Variants in ATP9B observed in about 807,000 individuals in gnomAD.
ATP9B encodes probable phospholipid-transporting ATPase IIB.
Under a neutral mutation model 146.1 loss-of-function variants are expected in ATP9B, and 110 were observed. That is an observed-to-expected ratio of 0.75 (90% CI 0.65 to 0.88). The LOEUF (loss-of-function observed/expected upper bound fraction) is 0.88, where lower values mean the gene tolerates loss of function less well. Among genes scored for constraint, ATP9B ranks in the 40% least tolerant of loss-of-function variants. The probability of loss-of-function intolerance (pLI) is 0.00; values close to 1 mark genes in which losing one functional copy is unlikely to be tolerated. For missense variants in ATP9B, 1,499 were observed against 1,496.4 expected (o/e 1.00, Z -0.03); for synonymous variants, 604 against 569.7 (o/e 1.06, Z -0.86).
chr18:79,330,053 T>G lies in ATP9B; in HGVS notation c.1977T>G (p.Ala659=). 1 of 1,614,206 alleles carries G rather than the reference T, an allele frequency of 6.2e-7. No individual in the cohort carries two copies. Among genetic ancestry groups the G allele is most frequent in the Non-Finnish European group, 8.5e-7 (1 of 1,180,018 alleles). ...TAEITFYMKG[A]DVAMSPIVQY... ...AAATCACATTCTACATGAAGGGCGCTGACGTGGCCATGTCTCCTATCGTGC... is the reference window on the plus strand; with the variant it reads ...AAATCACATTCTACATGAAGGGCGCGGACGTGGCCATGTCTCCTATCGTGC... Residue 659 remains alanine, a synonymous_variant, in exon 17 of 30, where the codon GCT becomes GCG. Transcript: ENST00000426216.
At chr18:79,282,865 C>A (rs995176695) in intron 13 of ATP9B, among the ~76,000 whole-genome samples, 1 of 152,122 alleles carries the variant, frequency 6.6e-6, no homozygotes, top group African/African-American at 2.4e-5. Flanking sequence ...TTAGGCAAAT[C>A]CTTTAACCCT....
chr18:79,293,613 T>C (rs934410468), intron 13 of ATP9B, among the ~76,000 whole-genome samples: 1 of 152,176 alleles, frequency 6.6e-6, no homozygotes, highest in African/African-American at 2.4e-5. Context: ...CCTCGGACTT[T>C]CCAGCCTCCA....
chr18:79,132,398 C>T (rs188038685), intron 5 of ATP9B, among the ~76,000 whole-genome samples: 8 of 152,240 alleles, frequency 5.3e-5, no homozygotes, highest in East Asian at 3.9e-4. Context: ...ATCGTCCAAG[C>T]GGGAGTTGAT....
intron 9 of ATP9B, among the ~76,000 whole-genome samples, chr18:79,201,457 A>G (rs781404513): frequency 9.8e-5 from 15 of 152,320 alleles, no homozygotes; most frequent in Admixed American, 2.6e-4. Flanking sequence ...TAAGAATTAG[A>G]ACAAATTGGC....
At chr18:79,120,272 TCTAGCCAAAATCCTGCCTC>T (rs2147116930) in intron 4 of ATP9B, among the ~76,000 whole-genome samples, 1 of 152,330 alleles carries the variant, frequency 6.6e-6, no homozygotes, top group East Asian at 1.9e-4. Flanking sequence ...CCAGATTTCT[TCTAGCCAAAATCCTGCCTC>T]TGAGGCATAA....
Position 79,345,728 on chromosome 18 carries a change from T to G in ATP9B, c.2618-47T>G, listed in dbSNP as rs180821886. ...CTTCTGATGGTAAAAATGAAAAACG[T>G]GATGATGGATAAGGTTTTATTTCAT... is the stretch of plus-strand genomic sequence containing the variant. On this transcript the variant is annotated intron_variant, in intron 22 of 29. Coordinates refer to ENST00000426216, the MANE Select transcript of ATP9B (RefSeq NM_198531.5). 2.2e-5 allele frequency: 35 copies of G among 1,610,900 alleles called. 1 individual carries two copies. In the African/African-American group the frequency reaches 2.5e-4, roughly 12 times the overall value.
intron 12 of ATP9B, among the ~76,000 whole-genome samples, chr18:79,272,118 G>A (rs1041397956): frequency 1.3e-5 from 2 of 152,160 alleles, no homozygotes; most frequent in African/African-American, 4.8e-5. Flanking sequence ...TGAGTTCATT[G>A]TAGATTCTGG....
At chr18:79,371,969 G>A (rs1304606154) in intron 26 of ATP9B, among the ~76,000 whole-genome samples, 5 of 152,226 alleles carry the variant, frequency 3.3e-5, no homozygotes, top group African/African-American at 7.2e-5. Context: ...AAATGGAAAC[G>A]ACGTCTGCTC....
chr18:79,205,711 A>G (rs554511284), intron 9 of ATP9B, among the ~76,000 whole-genome samples: 1 of 152,286 alleles, frequency 6.6e-6, no homozygotes, highest in East Asian at 1.9e-4. Context: ...GGCTTCCATT[A>G]CCGAAATGTA....
At chr18:79,315,015 C>T (rs933826462) in intron 15 of ATP9B, among the ~76,000 whole-genome samples, 23 of 152,364 alleles carry the variant, frequency 1.5e-4, no homozygotes, top group Admixed American at 3.3e-4. Flanking sequence ...GCTTATTCCT[C>T]TAGACTAGCT....
At chr18:79,155,833 G>A (rs1390943231) in intron 7 of ATP9B, among the ~76,000 whole-genome samples, 4 of 126,938 alleles carry the variant, frequency 3.2e-5, no homozygotes, top group Non-Finnish European at 6.2e-5. Context: ...TGCGATCTCC[G>A]CTCACTGCAA....
rs2074728869 is a variant in ATP9B, at chr18:79,095,733, T to TA, written c.120-742dup. The stretch of plus-strand genomic sequence containing the variant: ...AAGACAGCACTTGTTGAATCACCAT[T>TA]ATAGTTTCTGACAAATTGTTCTCAA... On this transcript the variant is annotated intron_variant, in intron 1 of 29. Transcript: ENST00000426216. 3 of 152,304 alleles carry TA rather than the reference T, an allele frequency of 2.0e-5. No homozygotes were observed. The South Asian group carries it at 6.2e-4, about 32-fold the overall frequency. The allele number at this position is 152,304 out of a possible 1,614,324, so 9.4% of individuals were successfully genotyped here.
intron 7 of ATP9B, among the ~76,000 whole-genome samples, chr18:79,166,137 A>G (rs2094961162): frequency 2.0e-5 from 3 of 152,140 alleles, no homozygotes. Context: ...AGCCTTCCCT[A>G]CAGACTTTGT....
At chr18:79,223,881 A>G (rs1176583483) in intron 11 of ATP9B, among the ~76,000 whole-genome samples, 1 of 152,236 alleles carries the variant, frequency 6.6e-6, no homozygotes, top group African/African-American at 2.4e-5. Flanking sequence ...GTGTATAGCA[A>G]ATATCTAAAC....
At chr18:79,351,798 C>T (rs183287967) in intron 25 of ATP9B, among the ~76,000 whole-genome samples, 5 of 149,612 alleles carry the variant, frequency 3.3e-5, no homozygotes, top group East Asian at 2.0e-4. Flanking sequence ...CCATGGGGGC[C>T]GCAAAGGTGG....
At chr18:79,225,232 A>G (rs1466586766) in intron 11 of ATP9B, among the ~76,000 whole-genome samples, 1 of 152,222 alleles carries the variant, frequency 6.6e-6, no homozygotes, top group Non-Finnish European at 1.5e-5. Flanking sequence ...TTTTATTGAC[A>G]TTAGAGTAGA....
chr18:79,340,858 A>G lies in ATP9B; in HGVS notation c.2284-1410A>G, dbSNP rs2096854359. On this transcript the variant is annotated intron_variant, in intron 19 of 29. Coordinates refer to ENST00000426216, the MANE Select transcript of ATP9B (RefSeq NM_198531.5). ...ATTGAACCTCCGTTTCCAACTAAAA[A>G]ACTAGCAAACTGCAGTGAAGGTCTT... Among the ~76,000 whole-genome samples the G allele has an allele frequency of 2.0e-5, 3 of 152,232 alleles. No individual in the cohort carries two copies. The South Asian group carries it at 6.2e-4, about 32-fold the overall frequency.
chr18:79,179,492 TAAAA>T (rs1286339661), intron 8 of ATP9B, among the ~76,000 whole-genome samples: 1 of 152,168 alleles, frequency 6.6e-6, no homozygotes. Flanking sequence ...ATAATTTAGT[TAAAA>T]AATCATTTTC....
chr18:79,184,636 A>C (rs950993719), intron 8 of ATP9B, among the ~76,000 whole-genome samples: 2 of 152,162 alleles, frequency 1.3e-5, no homozygotes, highest in African/African-American at 4.8e-5. Flanking sequence ...TTCTAATGTA[A>C]TTGGAACTGA....
Sources: allele counts gnomAD v4.1 joint callset (sites outside exome capture counted in the v4.1 genomes callset), GRCh38; gene constraint gnomAD v4.1.1; transcripts MANE v1.5; gene names NCBI Gene and HGNC (gene_info 2026-07-23, HGNC 2026-07-21).